The following GALNT13 variants were observed in gnomAD, a reference collection of about 807,000 sequenced individuals.
The protein encoded by GALNT13 is UDP-GalNAc:polypeptide N-acetylgalactosaminyltransferase 13.
Under a neutral mutation model 64.2 loss-of-function variants are expected in GALNT13, and 28 were observed. The ratio of observed to expected loss-of-function variants is 0.44; its 90% CI spans 0.32 to 0.60. The LOEUF is 0.60. Among genes scored for constraint, GALNT13 ranks in the 20% least tolerant of loss-of-function variants. The pLI is 0.05. For missense variants in GALNT13, 577 were observed against 669.8 expected (o/e 0.86, Z 1.53); for synonymous variants, 214 against 224.6 (o/e 0.95, Z 0.42).
chr2:153,118,098 A>T, the GALNT13 span, among the ~76,000 whole-genome samples: 1 of 126,456 alleles, frequency 7.9e-6, no homozygotes, highest in Admixed American at 8.4e-5. Flanking sequence ...CTATAATGTC[A>T]CTATGTACCA....
At chr2:153,733,446 TTC>T in the GALNT13 span, among the ~76,000 whole-genome samples, 1 of 152,152 alleles carries the variant, frequency 6.6e-6, no homozygotes, top group East Asian at 1.9e-4. Flanking sequence ...TAGAATGATT[TTC>T]TTTGTGCCAT....
At chr2:153,113,044 G>A in the GALNT13 span, among the ~76,000 whole-genome samples, 3 of 152,126 alleles carry the variant, frequency 2.0e-5, no homozygotes, top group African/African-American at 7.2e-5. Flanking sequence ...AAGGAAGAGA[G>A]ATGTTTGACA....
chr2:154,298,772 A>ATATT (rs1559076223), intron 8 of GALNT13, among the ~76,000 whole-genome samples: 1 of 121,800 alleles, frequency 8.2e-6, no homozygotes, highest in South Asian at 2.3e-4. Flanking sequence ...TATAAATTAT[A>ATATT]TATTTATTTA....
At position 153,992,601 on chromosome 2, in the gene GALNT13, T is replaced by A. The variant is rs1695234514; in HGVS notation, c.142+47962T>A. Among the ~76,000 whole-genome samples, 2 of 152,224 alleles carry A rather than the reference T, an allele frequency of 1.3e-5. 1 individual carries two copies. Among genetic ancestry groups the A allele is most frequent in the South Asian group, 4.1e-4 (2 of 4,836 alleles). ...ATAACTTGCTTCTGGGCATCTAGATTCATGAAGCTGATTCCCTAATAAAGG... is the reference window on the plus strand; with the variant it reads ...ATAACTTGCTTCTGGGCATCTAGATACATGAAGCTGATTCCCTAATAAAGG... On this transcript the variant is annotated intron_variant, in intron 3 of 12. Transcript: ENST00000392825.
intron 2 of GALNT13, among the ~76,000 whole-genome samples, chr2:153,937,745 C>A (rs1230515976): frequency 6.6e-6 from 1 of 152,114 alleles, no homozygotes; most frequent in Non-Finnish European, 1.5e-5. Flanking sequence ...ATTTGCTGCA[C>A]AATCAAATAT....
chr2:153,966,661 A>C (rs1418066650), intron 3 of GALNT13, among the ~76,000 whole-genome samples: 1 of 151,412 alleles, frequency 6.6e-6, no homozygotes, highest in East Asian at 1.9e-4. Flanking sequence ...AGCCACCGCG[A>C]CCGGCCCCGG....
At chr2:154,171,785 T>C (rs1301427417) in intron 4 of GALNT13, among the ~76,000 whole-genome samples, 2 of 152,106 alleles carry the variant, frequency 1.3e-5, no homozygotes, top group Admixed American at 6.6e-5. Flanking sequence ...AGTTTTGTAC[T>C]TCTAGCCTGC....
At chr2:154,169,464 C>T (rs1414857196) in intron 4 of GALNT13, among the ~76,000 whole-genome samples, 1 of 152,130 alleles carries the variant, frequency 6.6e-6, no homozygotes. Flanking sequence ...CAGCAGCATA[C>T]CACTGAGTTG....
At chr2:154,134,715 C>T (rs891256495) in intron 3 of GALNT13, among the ~76,000 whole-genome samples, 6 of 152,148 alleles carry the variant, frequency 3.9e-5, no homozygotes, top group Non-Finnish European at 7.4e-5. Flanking sequence ...GTACAGGCTG[C>T]GCATGGTGGC....
At chr2:153,338,092 ACCACCC>A in the GALNT13 span, among the ~76,000 whole-genome samples, 1 of 152,068 alleles carries the variant, frequency 6.6e-6, no homozygotes, top group African/African-American at 2.4e-5. Context: ...GGAGTTCAAG[ACCACCC>A]TGGGCAATTT....
At chr2:154,019,900 G>A (rs1453409148) in intron 3 of GALNT13, among the ~76,000 whole-genome samples, 3 of 146,044 alleles carry the variant, frequency 2.1e-5, no homozygotes. Context: ...CCCTTCCTGT[G>A]TCCATGTGTT....
the GALNT13 span, among the ~76,000 whole-genome samples, chr2:153,851,436 T>C: frequency 6.6e-6 from 1 of 152,244 alleles, no homozygotes; most frequent in Admixed American, 6.5e-5. Context: ...GAATTTTGCA[T>C]TTTCCTGTAA....
the GALNT13 span, among the ~76,000 whole-genome samples, chr2:153,223,425 G>T: frequency 1.3e-5 from 2 of 152,076 alleles, no homozygotes; most frequent in Non-Finnish European, 2.9e-5. Context: ...TAAATTCTGT[G>T]CTATAAAATA....
At chr2:154,318,215 T>G (rs1418637268) in intron 9 of GALNT13, among the ~76,000 whole-genome samples, 1 of 152,164 alleles carries the variant, frequency 6.6e-6, no homozygotes, top group Admixed American at 6.6e-5. Context: ...AAGTTCTAAA[T>G]GGAATACTAA....
intron 3 of GALNT13, among the ~76,000 whole-genome samples, chr2:153,952,627 G>A (rs1692275301): frequency 6.6e-6 from 1 of 152,086 alleles, no homozygotes; most frequent in South Asian, 2.1e-4. Context: ...TACTCACAGA[G>A]TTATCTAGAG....
At chr2:153,702,457 G>T in the GALNT13 span, among the ~76,000 whole-genome samples, 1 of 151,954 alleles carries the variant, frequency 6.6e-6, no homozygotes, top group Non-Finnish European at 1.5e-5. Flanking sequence ...ATGTATCCCA[G>T]AAATTAAATA....
chr2:153,713,335 T>C, the GALNT13 span, among the ~76,000 whole-genome samples: 1 of 152,230 alleles, frequency 6.6e-6, no homozygotes, highest in Non-Finnish European at 1.5e-5. Flanking sequence ...GCTCTCACAG[T>C]GCTATCAGAC....
the GALNT13 span, among the ~76,000 whole-genome samples, chr2:153,624,074 G>C: frequency 6.6e-6 from 1 of 151,800 alleles, no homozygotes; most frequent in South Asian, 2.1e-4. Context: ...TGAGGGAGTT[G>C]GTTATGAGAG....
chr2:154,166,195 G>A (rs1365135853), intron 4 of GALNT13, among the ~76,000 whole-genome samples: 3 of 151,984 alleles, frequency 2.0e-5, no homozygotes, highest in East Asian at 1.9e-4. Flanking sequence ...ACCTGAGTTC[G>A]GGAGTTTGAG....
Sources: gnomAD v4.1 joint callset for allele counts (sites outside exome capture counted in the v4.1 genomes callset) on GRCh38, gnomAD v4.1.1 for gene constraint, MANE v1.5 for transcripts, NCBI Gene and HGNC (gene_info 2026-07-23, HGNC 2026-07-21) for gene names.